Variants in ZCCHC7 observed in about 807,000 individuals in gnomAD.
The protein encoded by ZCCHC7 is zinc finger CCHC domain-containing protein 7.
A neutral mutation model predicts 52.0 loss-of-function variants in ZCCHC7; 35 were observed. The ratio of observed to expected loss-of-function variants is 0.67; its 90% CI spans 0.51 to 0.89. The LOEUF is 0.89. Among genes scored for constraint, ZCCHC7 ranks in the 40% least tolerant of loss-of-function variants. The pLI, the probability that ZCCHC7 is intolerant of heterozygous loss-of-function variation, is 0.00. For missense variants in ZCCHC7, 574 were observed against 649.1 expected, an observed-to-expected ratio of 0.88 and a Z score of 1.26; for synonymous variants, 217 against 221.5, an observed-to-expected ratio of 0.98 and a Z score of 0.18.
At chr9:37,254,056 A>C (rs745437731) in intron 2 of ZCCHC7, among the ~76,000 whole-genome samples, 2 of 152,042 alleles carry the variant, frequency 1.3e-5, no homozygotes, top group Non-Finnish European at 2.9e-5. Flanking sequence ...AACATTAATG[A>C]TTGGAATATT....
intron 2 of ZCCHC7, among the ~76,000 whole-genome samples, chr9:37,211,726 G>T (rs1564181482): frequency 6.6e-6 from 1 of 151,954 alleles, no homozygotes; most frequent in Non-Finnish European, 1.5e-5. Context: ...AAGTCATTTC[G>T]CTTAGAAAAT....
intron 2 of ZCCHC7, among the ~76,000 whole-genome samples, chr9:37,131,904 G>A (rs1842800786): frequency 6.6e-6 from 1 of 152,166 alleles, no homozygotes; most frequent in South Asian, 2.1e-4. Context: ...GTAAATTCAT[G>A]TCAAAACATA....
At chr9:37,336,843 T>C (rs571358721) in intron 6 of ZCCHC7, among the ~76,000 whole-genome samples, 1 of 152,262 alleles carries the variant, frequency 6.6e-6, no homozygotes, top group African/African-American at 2.4e-5. Flanking sequence ...TTCATCCCTC[T>C]ATCCTGCATC....
At position 37,293,476 on chromosome 9, in the gene ZCCHC7, T is replaced by C. The variant is rs562951373; in HGVS notation, c.611-8712T>C. The stretch of plus-strand genomic sequence containing the variant: ...CCCTAGAAACCTTTTTAAAAGTAGC[T>C]TCTTGATTAGATTTAAATGGGTTTT... On this transcript the variant is annotated intron_variant, in intron 2 of 8. Transcript: ENST00000336755. Among the ~76,000 whole-genome samples, 4 of 152,332 alleles carry C rather than the reference T, an allele frequency of 2.6e-5. 1 individual carries two copies. The highest frequency in any genetic ancestry group is 9.6e-5 in the African/African-American group (4 of 41,582).
intron 2 of ZCCHC7, among the ~76,000 whole-genome samples, chr9:37,202,996 A>C (rs1588473914): frequency 6.6e-6 from 1 of 152,248 alleles, no homozygotes; most frequent in East Asian, 1.9e-4. Context: ...AAAGTTTTAC[A>C]AAAGAAGCAA....
chr9:37,289,592 A>G (rs1161397349), intron 2 of ZCCHC7, among the ~76,000 whole-genome samples: 1 of 152,198 alleles, frequency 6.6e-6, no homozygotes, highest in Admixed American at 6.5e-5. Context: ...TATTGCAGTA[A>G]CATTCTAACT....
intron 2 of ZCCHC7, among the ~76,000 whole-genome samples, chr9:37,279,305 T>C (rs537668653): frequency 9.6e-4 from 146 of 152,008 alleles, no homozygotes; most frequent in African/African-American, 3.4e-3. Flanking sequence ...AATAGAATCA[T>C]TTGGTGACAA....
At chr9:37,337,160 A>G (rs1300860430) in intron 6 of ZCCHC7, among the ~76,000 whole-genome samples, 1 of 152,104 alleles carries the variant, frequency 6.6e-6, no homozygotes, top group Non-Finnish European at 1.5e-5. Context: ...CCATATTACT[A>G]TAATCTTAAA....
chr9:37,131,939 A>G (rs1393654624), intron 2 of ZCCHC7, among the ~76,000 whole-genome samples: 1 of 152,146 alleles, frequency 6.6e-6, no homozygotes, highest in Non-Finnish European at 1.5e-5. Context: ...ATTACATATG[A>G]CTTTCAGCTC....
intron 2 of ZCCHC7, among the ~76,000 whole-genome samples, chr9:37,220,976 T>C (rs1173530346): frequency 6.6e-6 from 1 of 152,180 alleles, no homozygotes; most frequent in African/African-American, 2.4e-5. Context: ...ACACAAGTAG[T>C]AGAGTTGTCT....
chr9:37,270,538 A>G (rs1003545235), intron 2 of ZCCHC7, among the ~76,000 whole-genome samples: 7 of 151,880 alleles, frequency 4.6e-5, no homozygotes, highest in African/African-American at 1.7e-4. Flanking sequence ...TAAAAATACA[A>G]AATTAGCTGG....
At chr9:37,157,157 A>T (rs1006633777) in intron 2 of ZCCHC7, among the ~76,000 whole-genome samples, 1 of 150,824 alleles carries the variant, frequency 6.6e-6, no homozygotes, top group Non-Finnish European at 1.5e-5. Context: ...ACCAGTCTGT[A>T]CTAGTAGTCA....
At chr9:37,349,286 C>T in intron 6 of ZCCHC7, 71 bp from the exon 7 acceptor site, 2 of 1,491,922 alleles carry the variant, frequency 1.3e-6, no homozygotes, top group Non-Finnish European at 1.9e-6. Context: ...ACCTATAAAG[C>T]TCTTTTGGAA....
intron 2 of ZCCHC7, among the ~76,000 whole-genome samples, chr9:37,227,750 C>T (rs1044421857): frequency 1.3e-5 from 2 of 152,206 alleles, no homozygotes; most frequent in Non-Finnish European, 2.9e-5. Context: ...GAACAAATTA[C>T]TGATGCATTC....
At chr9:37,133,113 G>T (rs1485449187) in intron 2 of ZCCHC7, among the ~76,000 whole-genome samples, 1 of 152,148 alleles carries the variant, frequency 6.6e-6, no homozygotes, top group African/African-American at 2.4e-5. Context: ...TAGCCTGGGC[G>T]ACAGAGTGAG....
At chr9:37,137,490 C>G (rs1843048375) in intron 2 of ZCCHC7, among the ~76,000 whole-genome samples, 2 of 152,182 alleles carry the variant, frequency 1.3e-5, no homozygotes, top group South Asian at 4.1e-4. Flanking sequence ...GAAGCCACCT[C>G]TGCCTAAACA....
At chr9:37,160,652 G>A (rs1004677565) in intron 2 of ZCCHC7, among the ~76,000 whole-genome samples, 11 of 152,078 alleles carry the variant, frequency 7.2e-5, no homozygotes, top group Non-Finnish European at 1.2e-4. Context: ...TTTGGGAGGC[G>A]AGGCAGGTGG....
chr9:37,342,318 A>G (rs1820692179), intron 6 of ZCCHC7, among the ~76,000 whole-genome samples: 2 of 152,160 alleles, frequency 1.3e-5, no homozygotes, highest in South Asian at 2.1e-4. Context: ...GGAGGAACAT[A>G]TTTGGGGTGG....
At position 37,181,448 on chromosome 9, in the gene ZCCHC7, A is replaced by G. The variant is rs569305792; in HGVS notation, c.610+54506A>G. Among the ~76,000 whole-genome samples, 3 of 152,354 alleles carry G rather than the reference A, an allele frequency of 2.0e-5. No homozygotes were observed. The South Asian group carries it at 6.2e-4, about 32-fold the overall frequency. On this transcript the variant is annotated intron_variant, in intron 2 of 8. Coordinates refer to ENST00000336755, the MANE Select transcript of ZCCHC7 (RefSeq NM_032226.3). ...ATTTATAGCAGCATTATTCATAATAACCAAACTTGGAAATAAACGCTATAT... is the reference window on the plus strand; with the variant it reads ...ATTTATAGCAGCATTATTCATAATAGCCAAACTTGGAAATAAACGCTATAT...
Sources: gnomAD v4.1 joint callset for allele counts (sites outside exome capture counted in the v4.1 genomes callset) on GRCh38, gnomAD v4.1.1 for gene constraint, MANE v1.5 for transcripts, NCBI Gene and HGNC (gene_info 2026-07-23, HGNC 2026-07-21) for gene names.